TASP1: variants seen among roughly 807,000 people sequenced by gnomAD.
TASP1 encodes threonine aspartase 1.
In TASP1, 16 loss-of-function variants were observed where a neutral mutation model predicts 56.6. The ratio of observed to expected loss-of-function variants is 0.28; its 90% CI spans 0.19 to 0.43. The LOEUF (loss-of-function observed/expected upper bound fraction) is 0.43. TASP1 is among the 20% of genes least tolerant of loss of function. The pLI, the probability that TASP1 is intolerant of heterozygous loss-of-function variation, is 1.00. For missense variants in TASP1, 393 were observed against 511.6 expected, an observed-to-expected ratio of 0.77 and a Z score of 2.24; for synonymous variants, 179 against 184.2, an observed-to-expected ratio of 0.97 and a Z score of 0.23.
chr20:13,458,246 T>C (rs6131476), intron 11 of TASP1, among the ~76,000 whole-genome samples: 38,558 of 152,106 alleles, frequency 0.25, 6,051 homozygotes, highest in Non-Finnish European at 0.34. Context: ...ACACATTCAA[T>C]TGAGTGAACA....
At chr20:13,420,330 C>T (rs914645975) in intron 12 of TASP1, among the ~76,000 whole-genome samples, 1 of 152,102 alleles carries the variant, frequency 6.6e-6, no homozygotes, top group African/African-American at 2.4e-5. Flanking sequence ...CATTAAATGA[C>T]TATTTTTATA....
At chr20:13,318,903 C>T in the TASP1 span, among the ~76,000 whole-genome samples, 1 of 152,178 alleles carries the variant, frequency 6.6e-6, no homozygotes, top group Admixed American at 6.5e-5. Context: ...GAGCACAGAA[C>T]ACTTTCAGGA....
the TASP1 span, among the ~76,000 whole-genome samples, chr20:13,145,526 T>C: frequency 6.6e-6 from 1 of 152,118 alleles, no homozygotes. Context: ...TGTTCATGGA[T>C]AGGAAGAATC....
chr20:13,291,479 A>C, the TASP1 span, among the ~76,000 whole-genome samples: 1 of 152,166 alleles, frequency 6.6e-6, no homozygotes, highest in Non-Finnish European at 1.5e-5. Context: ...GAGCCCCTTA[A>C]AGGAAATCAA....
At chr20:13,134,739 T>C in the TASP1 span, among the ~76,000 whole-genome samples, 42 of 151,064 alleles carry the variant, frequency 2.8e-4, no homozygotes, top group African/African-American at 9.8e-4. Context: ...TTCTGGCAGA[T>C]GCAAACAAAG....
At chr20:13,464,595 T>C (rs2044178098) in intron 11 of TASP1, among the ~76,000 whole-genome samples, 1 of 152,154 alleles carries the variant, frequency 6.6e-6, no homozygotes, top group African/African-American at 2.4e-5. Flanking sequence ...TTCTGACACA[T>C]GCTACAACTT....
At chr20:13,616,438 A>G (rs997927392) in intron 4 of TASP1, among the ~76,000 whole-genome samples, 4 of 152,142 alleles carry the variant, frequency 2.6e-5, no homozygotes, top group Non-Finnish European at 5.9e-5. Flanking sequence ...GCCAGGATGA[A>G]TATATCTGAT....
At chr20:13,170,179 T>C in the TASP1 span, among the ~76,000 whole-genome samples, 1 of 152,224 alleles carries the variant, frequency 6.6e-6, no homozygotes, top group African/African-American at 2.4e-5. Flanking sequence ...AGATTAATAA[T>C]GGCTTCATCT....
intron 4 of TASP1, among the ~76,000 whole-genome samples, chr20:13,620,363 G>A (rs912737126): frequency 3.3e-5 from 5 of 150,992 alleles, no homozygotes; most frequent in Admixed American, 1.3e-4. Context: ...AGTTAAGAAC[G>A]GTGTACTTTT....
chr20:13,177,730 C>A, the TASP1 span, among the ~76,000 whole-genome samples: 1 of 152,106 alleles, frequency 6.6e-6, no homozygotes, highest in African/African-American at 2.4e-5. Flanking sequence ...TAAAATTAGA[C>A]CCCCACCTCT....
the TASP1 span, among the ~76,000 whole-genome samples, chr20:13,115,211 G>A: frequency 0.4 from 60,197 of 152,022 alleles, 11,924 homozygotes; most frequent in Admixed American, 0.42. Flanking sequence ...ATATCCCACT[G>A]TGGGAAAAGG....
intron 8 of TASP1, 129 bp from the exon 9 acceptor site, chr20:13,534,270 C>G: frequency 8.9e-7 from 1 of 1,129,812 alleles, no homozygotes; most frequent in Non-Finnish European, 1.2e-6. Flanking sequence ...GAACATTGAG[C>G]AATCTCCTAA....
At chr20:13,173,407 T>G in the TASP1 span, among the ~76,000 whole-genome samples, 5 of 152,178 alleles carry the variant, frequency 3.3e-5, no homozygotes, top group African/African-American at 1.2e-4. Flanking sequence ...TTAGACCAGT[T>G]ACTTCTTGCG....
chr20:13,593,587 C>A (rs1461670764), intron 4 of TASP1, among the ~76,000 whole-genome samples: 5 of 152,204 alleles, frequency 3.3e-5, no homozygotes, highest in African/African-American at 7.2e-5. Context: ...ACCCATGGAG[C>A]CTTGCTCACT....
At chr20:13,574,315 A>G (rs914822817) in intron 6 of TASP1, among the ~76,000 whole-genome samples, 4 of 152,186 alleles carry the variant, frequency 2.6e-5, no homozygotes, top group African/African-American at 9.6e-5. Flanking sequence ...CGAGACCTGA[A>G]AGGCTCAAGC....
the TASP1 span, among the ~76,000 whole-genome samples, chr20:13,379,099 T>C: frequency 6.6e-6 from 1 of 152,162 alleles, no homozygotes; most frequent in Non-Finnish European, 1.5e-5. Context: ...TGTTATATGT[T>C]AATTTGATCC....
chr20:13,183,701 CA>C, the TASP1 span, among the ~76,000 whole-genome samples: 1 of 152,090 alleles, frequency 6.6e-6, no homozygotes, highest in Non-Finnish European at 1.5e-5. Flanking sequence ...GGCAGATTAT[CA>C]AGCAATAGCA....
At chr20:13,119,748 C>T in the TASP1 span, among the ~76,000 whole-genome samples, 46 of 152,304 alleles carry the variant, frequency 3.0e-4, no homozygotes, top group East Asian at 8.7e-3. Flanking sequence ...CGTTAGCCTA[C>T]GCTGAGATCT....
At chr20:13,626,403 C>T (rs530884043) in intron 2 of TASP1, among the ~76,000 whole-genome samples, 2 of 152,280 alleles carry the variant, frequency 1.3e-5, no homozygotes, top group South Asian at 2.1e-4. Context: ...CTCCAGCCTA[C>T]GCAACAGAGT....
Sources: gnomAD v4.1 joint callset for allele counts (sites outside exome capture counted in the v4.1 genomes callset) on GRCh38, gnomAD v4.1.1 for gene constraint, MANE v1.5 for transcripts, NCBI Gene and HGNC (gene_info 2026-07-23, HGNC 2026-07-21) for gene names.